Variants in ZNF678 observed in about 807,000 individuals in gnomAD.
The protein encoded by ZNF678 is hypothetical protein MGC42493.
A neutral mutation model predicts 3.0 loss-of-function variants in ZNF678; 5 were observed. That is an observed-to-expected ratio of 1.69 (90% CI 0.88 to 3.56). The LOEUF is 3.56. Ranked by LOEUF, ZNF678 falls within the 30% of genes most tolerant of loss-of-function variation. The pLI, the probability that ZNF678 is intolerant of heterozygous loss-of-function variation, is 0.00. For synonymous variants in ZNF678, 218 were observed against 199.6 expected, an observed-to-expected ratio of 1.09 and a Z score of -0.78; for missense variants, 593 against 605.0, an observed-to-expected ratio of 0.98 and a Z score of 0.21.
At chr1:227,620,896 A>G (rs1363224516) in intron 1 of ZNF678, among the ~76,000 whole-genome samples, 1 of 151,936 alleles carries the variant, frequency 6.6e-6, no homozygotes, top group Non-Finnish European at 1.5e-5. Context: ...GGAATGGGAC[A>G]TGTTTGCTTC....
intron 1 of ZNF678, among the ~76,000 whole-genome samples, chr1:227,642,282 G>A (rs1658840805): frequency 6.6e-6 from 1 of 152,182 alleles, no homozygotes; most frequent in Non-Finnish European, 1.5e-5. Context: ...TCCATGTTTT[G>A]TAGATTTTGT....
Position 227,638,116 on chromosome 1 carries a change from A to T in ZNF678, c.-163-8428A>T, listed in dbSNP as rs1658725874. On this transcript the variant is annotated intron_variant, in intron 1 of 3. Coordinates refer to ENST00000343776, the MANE Select transcript of ZNF678 (RefSeq NM_001367909.1). The surrounding 1 kb of genome is among the most constrained non-coding windows in gnomAD (Gnocchi z 4.2). ...AAAAGGTGGGGGCTGTCTCTGAAAC[A>T]TTGAGGTGGTAGTACACACCAGGTG... 1.3e-5 allele frequency among the ~76,000 whole-genome samples: 2 copies of T among 152,138 alleles called. No individual in the cohort carries two copies. The highest frequency in any genetic ancestry group is 4.8e-5 in the African/African-American group (2 of 41,426).
rs138050663 is a variant in ZNF678, at chr1:227,641,532, G to C, written c.-163-5012G>C. ...TACCATTGTGGAGAGTTTTTCTGGA[G>C]TTGAAAATAATTTTGTTTTTAGTTG... On this transcript the variant is annotated intron_variant, in intron 1 of 3. Transcript: ENST00000343776. 1.5e-4 allele frequency among the ~76,000 whole-genome samples: 23 copies of C among 152,188 alleles called. No homozygotes were observed. In the East Asian group the frequency reaches 4.4e-3, roughly 29 times the overall value.
downstream of ZNF678, among the ~76,000 whole-genome samples, chr1:227,665,692 A>T: frequency 6.6e-6 from 1 of 152,254 alleles, no homozygotes; most frequent in East Asian, 1.9e-4. Flanking sequence ...TTATGTCATG[A>T]CTAAGCCTGA....
At position 227,657,948 on chromosome 1, in the gene ZNF678, C is replaced by G. The variant is rs1659293206; in HGVS notation, c.*2120C>G. ...TCCTGTTTTTTTCTTGTCTGTTGATCATACTAAACCTAATGTATAGTTTTC... is the reference window on the plus strand; with the variant it reads ...TCCTGTTTTTTTCTTGTCTGTTGATGATACTAAACCTAATGTATAGTTTTC... On this transcript the variant is annotated 3_prime_UTR_variant, in exon 4 of 4. Transcript: ENST00000343776. 6.6e-6 allele frequency: 1 copy of G among 151,854 alleles called. No individual in the cohort carries two copies. The highest frequency in any genetic ancestry group is 1.5e-5 in the Non-Finnish European group (1 of 67,888). 9.4% of individuals were successfully genotyped at this position (151,854 alleles called of 1,614,324 possible).
At chr1:227,672,857 G>T (rs916756593) in intron 5 of ZNF678, among the ~76,000 whole-genome samples, 1 of 152,082 alleles carries the variant, frequency 6.6e-6, no homozygotes, top group African/African-American at 2.4e-5. Context: ...GTCTTGTGCT[G>T]GGGTCCTAAT....
intron 2 of ZNF678, 48 bp downstream of exon 2, chr1:227,646,718 C>A: frequency 7.5e-7 from 1 of 1,339,608 alleles, no homozygotes; most frequent in South Asian, 1.2e-5. Context: ...ACTACGGATT[C>A]CATATTTTTC....
chr1:227,652,472 C>T (rs1191178758), intron 3 of ZNF678, among the ~76,000 whole-genome samples: 3 of 152,092 alleles, frequency 2.0e-5, no homozygotes, highest in African/African-American at 7.2e-5. Flanking sequence ...AACATAATTA[C>T]TTACTATTGT....
chr1:227,592,888 C>T (rs1657452504), intron 1 of ZNF678, among the ~76,000 whole-genome samples: 1 of 152,258 alleles, frequency 6.6e-6, no homozygotes, highest in Admixed American at 6.5e-5. Context: ...AGGTCCACCA[C>T]AGTACCACCA....
At chr1:227,564,936 A>G (rs1253972122) in intron 1 of ZNF678, among the ~76,000 whole-genome samples, 1 of 150,418 alleles carries the variant, frequency 6.6e-6, no homozygotes, top group Admixed American at 6.6e-5. Flanking sequence ...TAGTTTCACC[A>G]TGTTGGTCAG....
intron 1 of ZNF678, among the ~76,000 whole-genome samples, chr1:227,595,626 C>G (rs1283943719): frequency 1.3e-5 from 2 of 152,142 alleles, no homozygotes; most frequent in Non-Finnish European, 2.9e-5. Context: ...ACACCATGCT[C>G]AAACCACACG....
At chr1:227,585,891 G>A (rs1355347431) in intron 1 of ZNF678, among the ~76,000 whole-genome samples, 1 of 152,124 alleles carries the variant, frequency 6.6e-6, no homozygotes, top group African/African-American at 2.4e-5. Context: ...AAAGAATAGA[G>A]CTTTAAAAAT....
intron 1 of ZNF678, among the ~76,000 whole-genome samples, chr1:227,614,357 A>C (rs1008022854): frequency 6.6e-6 from 1 of 152,060 alleles, no homozygotes; most frequent in African/African-American, 2.4e-5. Context: ...TTACCCTGGC[A>C]CTCATGTCTT....
At chr1:227,662,882 T>C (rs566996568), downstream of ZNF678, among the ~76,000 whole-genome samples, 26 of 152,368 alleles carry the variant, frequency 1.7e-4, no homozygotes, top group Non-Finnish European at 3.2e-4. Flanking sequence ...CTATATATTA[T>C]GGGCTGAATT....
rs1164454657 is a variant in ZNF678, at chr1:227,659,641, A to T, written c.*3813A>T. On this transcript the variant is annotated 3_prime_UTR_variant, in exon 4 of 4. Coordinates refer to ENST00000343776, the MANE Select transcript of ZNF678 (RefSeq NM_001367909.1). The stretch of plus-strand genomic sequence containing the variant: ...GTAGACATTTTTAAAAATCATAAAA[A>T]CTGTATTTTCTATATAGTTCAGCTA... 1 of 142,754 alleles carries T rather than the reference A, an allele frequency of 7.0e-6. No homozygotes were observed. Among genetic ancestry groups the T allele is most frequent in the African/African-American group, 2.7e-5 (1 of 36,504 alleles). The allele number at this position is 142,754 out of a possible 1,614,324, so 8.8% of individuals were successfully genotyped here. A position where few individuals can be genotyped will look rare whatever the true frequency, so the allele number is the denominator to read the frequency against.
intron 1 of ZNF678, among the ~76,000 whole-genome samples, chr1:227,572,367 A>G (rs1002878392): frequency 3.9e-5 from 6 of 152,220 alleles, no homozygotes; most frequent in African/African-American, 1.4e-4. Context: ...TTCTTTGCCA[A>G]GTTCACCTCA....
chr1:227,575,296 T>C (rs1217521084), intron 1 of ZNF678, among the ~76,000 whole-genome samples: 1 of 152,230 alleles, frequency 6.6e-6, no homozygotes, highest in Non-Finnish European at 1.5e-5. Context: ...ATTGGTAGTT[T>C]AATAGAAATA....
At chr1:227,632,437 A>T (rs1404750425) in intron 1 of ZNF678, among the ~76,000 whole-genome samples, 1 of 152,150 alleles carries the variant, frequency 6.6e-6, no homozygotes, top group East Asian at 1.9e-4. Flanking sequence ...GGGCACATGC[A>T]TGGGCGACTG....
chr1:227,622,524 C>T (rs1421018080), intron 1 of ZNF678, among the ~76,000 whole-genome samples: 5 of 152,170 alleles, frequency 3.3e-5, no homozygotes, highest in Non-Finnish European at 1.5e-5. Context: ...GAATAAACTT[C>T]AAATATTTTA....
Sources: gnomAD v4.1 joint callset for allele counts (sites outside exome capture counted in the v4.1 genomes callset) on GRCh38, gnomAD v4.1.1 for gene constraint, Gnocchi (gnomAD v3.1) non-coding constraint, MANE v1.5 for transcripts, NCBI Gene and HGNC (gene_info 2026-07-23, HGNC 2026-07-21) for gene names.